KCNH6: variants seen among roughly 807,000 people sequenced by gnomAD.
KCNH6 encodes potassium voltage-gated channel subfamily H member 6, also known as voltage-gated inwardly rectifying potassium channel KCNH6.
In KCNH6, 81 loss-of-function variants were observed where a neutral mutation model predicts 83.4. The observed-to-expected ratio is 0.97, with a 90% CI of 0.81 to 1.17. The LOEUF is 1.17. Among genes scored for constraint, KCNH6 ranks in the 50% most tolerant of loss-of-function variants. The pLI is 0.00. For missense variants in KCNH6, 1,203 were observed against 1,290.5 expected, an observed-to-expected ratio of 0.93 and a Z score of 1.04; for synonymous variants, 503 against 545.6, an observed-to-expected ratio of 0.92 and a Z score of 1.09.
chr17:63,525,264 A>T (rs1234992799), intron 2 of KCNH6, among the ~76,000 whole-genome samples: 1 of 152,144 alleles, frequency 6.6e-6, no homozygotes, highest in Non-Finnish European at 1.5e-5. Context: ...CCTTCATTTC[A>T]TAGATGTGGA....
chr17:63,536,832 T>C (rs1424732677), intron 6 of KCNH6, among the ~76,000 whole-genome samples: 1 of 149,808 alleles, frequency 6.7e-6, no homozygotes, highest in East Asian at 2.0e-4. Context: ...TACACACCTG[T>C]AATCCCAGCT....
intron 8 of KCNH6, among the ~76,000 whole-genome samples, chr17:63,540,315 C>T (rs1283625923): frequency 6.6e-6 from 1 of 152,066 alleles, no homozygotes; most frequent in Non-Finnish European, 1.5e-5. Context: ...TGCCTGTAAT[C>T]CCAGCTACTT....
intron 9 of KCNH6, 41 bp from the exon 10 acceptor site, chr17:63,543,524 GGCCCCATCCCA>G (rs1276115388): frequency 8.9e-7 from 1 of 1,118,876 alleles, no homozygotes; most frequent in Admixed American, 1.7e-5. Context: ...AGAACAAAGA[GGCCCCATCCCA>G]GCTTTGGTTC....
intron 11 of KCNH6, 112 bp from the exon 12 acceptor site, chr17:63,544,966 C>A: frequency 9.4e-7 from 1 of 1,063,836 alleles, no homozygotes; most frequent in Non-Finnish European, 1.4e-6. Context: ...CAGGTAGGCC[C>A]CAGGCCGCCA....
In KCNH6 at chr17:63,545,725, A is replaced by G; in HGVS notation, c.2700A>G (p.Glu900=). The G allele has an allele frequency of 6.2e-7, 1 of 1,614,054 alleles. No individual in the cohort carries two copies. Among genetic ancestry groups the G allele is most frequent in the Middle Eastern group, 1.6e-4 (1 of 6,062 alleles). Reference sequence around the variant, plus strand: ...CTCTGGCACCATCCTCAGAACAGGAACAGCCTGAGGGGCTCTGGCCACCCC... The same window carrying G: ...CTCTGGCACCATCCTCAGAACAGGAGCAGCCTGAGGGGCTCTGGCCACCCC... ...DKTLAPSSEQ[E]QPEGLWPPLA... The change falls in exon 13 of 13, where the codon GAA becomes GAG. Residue 900 remains glutamate, a synonymous_variant. Coordinates refer to ENST00000314672, the MANE Select transcript of KCNH6 (RefSeq NM_001278919.2).
intron 2 of KCNH6, among the ~76,000 whole-genome samples, chr17:63,529,556 TG>T (rs1490490125): frequency 6.6e-6 from 1 of 152,202 alleles, no homozygotes; most frequent in African/African-American, 2.4e-5. Flanking sequence ...TTCTGCAGAA[TG>T]GGGGTCCATG....
intron 6 of KCNH6, 45 bp downstream of exon 6, chr17:63,536,113 T>C: frequency 3.2e-6 from 5 of 1,564,050 alleles, no homozygotes; most frequent in Non-Finnish European, 4.4e-6. Flanking sequence ...GCTCTGGTCT[T>C]ACCCGTGAAA....
chr17:63,548,245 A>G (rs758438411), downstream of KCNH6, among the ~76,000 whole-genome samples: 45 of 152,042 alleles, frequency 3.0e-4, no homozygotes, highest in Non-Finnish European at 5.6e-4. Context: ...CAGCGTGGGC[A>G]ACAGAGCAAG....
intron 12 of KCNH6, 102 bp downstream of exon 12, chr17:63,545,366 G>A (rs532078231): frequency 1.6e-6 from 2 of 1,271,604 alleles, no homozygotes; most frequent in Admixed American, 2.1e-5. Context: ...AGCCTCTGTG[G>A]CCCCAGAGCA....
chr17:63,542,742 C>T (rs1338334689), intron 9 of KCNH6, among the ~76,000 whole-genome samples: 2 of 152,174 alleles, frequency 1.3e-5, no homozygotes, highest in African/African-American at 4.8e-5. Flanking sequence ...AGCCATTCAG[C>T]TAGTCAACGG....
rs2031784771 is a variant in KCNH6 at position 63,527,352 on chromosome 17, C to A, written c.308-2739C>A. Among the ~76,000 whole-genome samples, 2 of 152,212 alleles carry A rather than the reference C, an allele frequency of 1.3e-5. 1 individual carries two copies. Among genetic ancestry groups the A allele is most frequent in the South Asian group, 4.1e-4 (2 of 4,826 alleles). ...GGCTTTTTGTAGCACCAGCCTCTCC[C>A]TGGGGACTCACCACAGTGCTGGATG... On this transcript the variant is annotated intron_variant, in intron 2 of 12. Coordinates refer to ENST00000314672, the MANE Select transcript of KCNH6 (RefSeq NM_001278919.2).
In KCNH6 at chr17:63,546,196, C is replaced by T. The variant is rs897182842; in HGVS notation, c.*294C>T. On this transcript the variant is annotated 3_prime_UTR_variant, in exon 13 of 13. Transcript: ENST00000314672. ...TGGAGGTTGCAGGGAGCCGAGGCCGCACCACTGCACTCCAGCCTGGGTGAC... is the reference window on the plus strand; with the variant it reads ...TGGAGGTTGCAGGGAGCCGAGGCCGTACCACTGCACTCCAGCCTGGGTGAC... 19 of 252,210 alleles carry T rather than the reference C, an allele frequency of 7.5e-5. No homozygotes were observed. Among genetic ancestry groups the T allele is most frequent in the South Asian group, 1.6e-4 (2 of 12,248 alleles). The allele number at this position is 252,210 out of a possible 1,614,324, so 15.6% of individuals were successfully genotyped here. A position where few individuals can be genotyped will look rare whatever the true frequency, so the allele number is the denominator to read the frequency against.
At chr17:63,527,389 G>A (rs1260314093) in intron 2 of KCNH6, among the ~76,000 whole-genome samples, 16 of 152,186 alleles carry the variant, frequency 1.1e-4, no homozygotes, top group Non-Finnish European at 2.9e-5. Flanking sequence ...GGTGTGCATC[G>A]GGAGACAGAG....
rs1051644367 is a variant in KCNH6 at position 63,534,603 on chromosome 17, C to A, written c.1101+292C>A. On this transcript the variant is annotated intron_variant, in intron 5 of 12. Transcript: ENST00000314672. The surrounding 1 kb of genome is among the most constrained non-coding windows in gnomAD (Gnocchi z 5.0). ...GGGCACTCGTGTGGTCCCGGCCCCT[C>A]ATGCTGACTTCCAAACTGCACTCAC... Among the ~76,000 whole-genome samples, 3 of 152,070 alleles carry A rather than the reference C, an allele frequency of 2.0e-5. No homozygotes were observed. Among genetic ancestry groups the A allele is most frequent in the African/African-American group, 7.2e-5 (3 of 41,390 alleles).
At chr17:63,544,645 T>C (rs1366855216) in intron 11 of KCNH6, among the ~76,000 whole-genome samples, 4 of 152,058 alleles carry the variant, frequency 2.6e-5, no homozygotes, top group Non-Finnish European at 5.9e-5. Context: ...ACAAATTCCA[T>C]AGGTCCTGGG....
intron 4 of KCNH6, among the ~76,000 whole-genome samples, chr17:63,530,860 C>A (rs950661557): frequency 6.6e-6 from 1 of 152,192 alleles, no homozygotes; most frequent in African/African-American, 2.4e-5. Context: ...CCATGGGGGC[C>A]TGACCAAGGC....
intron 11 of KCNH6, among the ~76,000 whole-genome samples, chr17:63,544,624 C>G (rs911051717): frequency 2.0e-5 from 3 of 152,094 alleles, no homozygotes; most frequent in African/African-American, 7.2e-5. Flanking sequence ...GGGGCACAAC[C>G]ATGTGCAGAA....
At chr17:63,540,473 T>C (rs1395474083) in intron 8 of KCNH6, among the ~76,000 whole-genome samples, 1 of 152,088 alleles carries the variant, frequency 6.6e-6, no homozygotes, top group African/African-American at 2.4e-5. Context: ...ATGATTATTA[T>C]TATTAATAAT....
At position 63,535,609 on chromosome 17, in the gene KCNH6, C is replaced by T; in HGVS notation, c.1102-60C>T. 6.7e-7 allele frequency: 1 copy of T among 1,492,720 alleles called. No individual in the cohort carries two copies. Among genetic ancestry groups the T allele is most frequent in the Middle Eastern group, 1.8e-4 (1 of 5,600 alleles). 92.5% of individuals were successfully genotyped at this position (1,492,720 alleles called of 1,614,324 possible). A position where few individuals can be genotyped will look rare whatever the true frequency, so the allele number is the denominator to read the frequency against. On this transcript the variant is annotated intron_variant, in intron 5 of 12. Coordinates refer to ENST00000314672, the MANE Select transcript of KCNH6 (RefSeq NM_001278919.2). This position sits in a 1 kb window ranked among gnomAD's most constrained non-coding sequence, Gnocchi z 4.9. ...GTATGCATGAGTGAACAAAAGCAGG[C>T]CTGACTGCACCCTTCCAAGGGCTGA...
Sources: gnomAD v4.1 joint callset for allele counts (sites outside exome capture counted in the v4.1 genomes callset) on GRCh38, gnomAD v4.1.1 for gene constraint, Gnocchi (gnomAD v3.1) non-coding constraint, MANE v1.5 for transcripts, NCBI Gene and HGNC (gene_info 2026-07-23, HGNC 2026-07-21) for gene names.